Variants in ARID1B observed in about 807,000 individuals in gnomAD.
ARID1B encodes AT-rich interactive domain-containing protein 1B.
Under a neutral mutation model 212.3 loss-of-function variants are expected in ARID1B, and 30 were observed. That is an observed-to-expected ratio of 0.14 (90% confidence interval 0.11 to 0.19). The LOEUF is 0.19. Ranked by LOEUF, ARID1B falls within the 10% of genes least tolerant of loss-of-function variation. The pLI is 1.00. For synonymous variants in ARID1B, 1,402 were observed against 1,301.7 expected (o/e 1.08, Z -1.66); for missense variants, 2,891 against 3,204.0 (o/e 0.90, Z 2.36).
intron 5 of ARID1B, among the ~76,000 whole-genome samples, chr6:157,091,851 A>G (rs548264099): frequency 6.6e-6 from 1 of 152,362 alleles, no homozygotes; most frequent in South Asian, 2.1e-4. Flanking sequence ...CATTAGCAGT[A>G]GACCCTCTAA....
At chr6:157,091,464 C>G (rs1486503869) in intron 5 of ARID1B, among the ~76,000 whole-genome samples, 1 of 152,136 alleles carries the variant, frequency 6.6e-6, no homozygotes, top group Non-Finnish European at 1.5e-5. Flanking sequence ...GGTCAAAAAA[C>G]TAATTTTCTT....
At chr6:156,795,547 A>G (rs947548638) in intron 1 of ARID1B, among the ~76,000 whole-genome samples, 7 of 152,238 alleles carry the variant, frequency 4.6e-5, no homozygotes, top group Non-Finnish European at 7.3e-5. Context: ...GATGTAAGGC[A>G]GAAAACTCCT....
At chr6:156,998,027 G>A (rs558138464) in intron 4 of ARID1B, among the ~76,000 whole-genome samples, 1 of 152,242 alleles carries the variant, frequency 6.6e-6, no homozygotes, top group South Asian at 2.1e-4. Context: ...CGCTTAAGAG[G>A]AACCTCGTCA....
rs369116277 is a variant in ARID1B, at chr6:157,063,001, A to G, written c.2248-21661A>G. Among the ~76,000 whole-genome samples, 12 of 152,200 alleles carry G rather than the reference A, an allele frequency of 7.9e-5. No homozygotes were observed. The South Asian group carries it at 8.3e-4, about 11-fold the overall frequency. On this transcript the variant is annotated intron_variant, in intron 4 of 19. Transcript: ENST00000636930. ...ATTACAGCCGTGAGCCACCGTGCCC[A>G]GCCTAAAATATATTTTAAAGAAATA... is the stretch of plus-strand genomic sequence containing the variant.
intron 2 of ARID1B, among the ~76,000 whole-genome samples, chr6:156,832,026 T>A (rs1184418488): frequency 6.6e-6 from 1 of 152,212 alleles, no homozygotes; most frequent in East Asian, 1.9e-4. Context: ...TGTTTTAAAA[T>A]TTAAAAGGCT....
chr6:157,012,161 G>C (rs1779652455), intron 4 of ARID1B, among the ~76,000 whole-genome samples: 1 of 152,218 alleles, frequency 6.6e-6, no homozygotes, highest in South Asian at 2.1e-4. Context: ...AGAACTGCAG[G>C]ATGTAATTAA....
intron 4 of ARID1B, among the ~76,000 whole-genome samples, chr6:157,065,273 G>A (rs1403011939): frequency 1.3e-5 from 2 of 152,198 alleles, no homozygotes. Context: ...ACTGAAGATA[G>A]TAAGGTAAAA....
chr6:156,829,154 T>G, intron 1 of ARID1B, 73 bp from the exon 2 acceptor site: 1 of 1,277,468 alleles, frequency 7.8e-7, no homozygotes, highest in Non-Finnish European at 1.1e-6. Context: ...AATGCATATG[T>G]TGACATAACA....
chr6:156,964,391 G>C (rs1006382362), intron 4 of ARID1B, among the ~76,000 whole-genome samples: 1 of 152,226 alleles, frequency 6.6e-6, no homozygotes, highest in African/African-American at 2.4e-5. Context: ...AGCTAATAGA[G>C]TGTTTTGGCA....
At chr6:156,928,147 T>C (rs534196280) in intron 3 of ARID1B, among the ~76,000 whole-genome samples, 3 of 152,250 alleles carry the variant, frequency 2.0e-5, no homozygotes, top group African/African-American at 7.2e-5. Flanking sequence ...GCCGGCCCTG[T>C]AGAAGCTGAC....
intron 4 of ARID1B, among the ~76,000 whole-genome samples, chr6:157,056,484 T>TA (rs1220213269): frequency 6.6e-6 from 1 of 152,256 alleles, no homozygotes. Context: ...AGTAATTTCT[T>TA]ACTACAGGCT....
chr6:156,927,727 T>G (rs1030135393), intron 3 of ARID1B, among the ~76,000 whole-genome samples: 1 of 152,262 alleles, frequency 6.6e-6, no homozygotes, highest in Non-Finnish European at 1.5e-5. Flanking sequence ...TTTTATGTGT[T>G]TGTCCTTATA....
At chr6:156,935,421 C>A (rs2128274117) in intron 3 of ARID1B, 45 bp from the exon 4 acceptor site, 2 of 1,484,074 alleles carry the variant, frequency 1.3e-6, no homozygotes, top group African/African-American at 1.4e-5. Context: ...GCTTATAACT[C>A]ATTGAGATAT....
intron 4 of ARID1B, chr6:157,072,366 A>G (rs1784050240): frequency 6.6e-6 from 1 of 152,192 alleles, no homozygotes. Context: ...AATCCTCCCA[A>G]ATCTGATCAC....
chr6:157,133,152 G>A lies in ARID1B; in HGVS notation c.2706G>A (p.Gln902=), dbSNP rs917621868. 23 of 1,614,148 alleles carry A rather than the reference G, an allele frequency of 1.4e-5. No homozygotes were observed. The highest frequency in any genetic ancestry group is 1.9e-5 in the Non-Finnish European group (22 of 1,180,024). Residue 902 remains glutamine, a synonymous_variant, in exon 7 of 20, where the codon CAG becomes CAA. Transcript: ENST00000636930. Reference sequence around the variant, plus strand: ...TGCATGCTGGAATCAGTAGCTTTCAGCAGAGTAACTCAAGTGGGACTTACG... The same window carrying A: ...TGCATGCTGGAATCAGTAGCTTTCAACAGAGTAACTCAAGTGGGACTTACG... The part of the protein sequence containing the change: ...GQMHAGISSF[Q]QSNSSGTYGP...
chr6:157,186,536 G>A lies in ARID1B; in HGVS notation c.3919+2101G>A, dbSNP rs148720121. ...ATTCACTGCCACCCACACAGCAGGTGGCCTCTCCGATTCCAGTCCCATCAT... is the reference window on the plus strand; with the variant it reads ...ATTCACTGCCACCCACACAGCAGGTAGCCTCTCCGATTCCAGTCCCATCAT... On this transcript the variant is annotated intron_variant, in intron 13 of 19. Coordinates refer to ENST00000636930, the MANE Select transcript of ARID1B (RefSeq NM_001374828.1). The A allele has an allele frequency of 2.2e-3, 1,037 of 471,104 alleles. 12 individuals are homozygous for A. The Middle Eastern group carries it at 0.043, about 20-fold the overall frequency. The allele number at this position is 471,104 out of a possible 1,614,324, so 29.2% of individuals were successfully genotyped here. A position where few individuals can be genotyped will look rare whatever the true frequency, so the allele number is the denominator to read the frequency against.
At chr6:157,162,953 C>T (rs1237751792) in intron 8 of ARID1B, among the ~76,000 whole-genome samples, 1 of 152,198 alleles carries the variant, frequency 6.6e-6, no homozygotes, top group South Asian at 2.1e-4. Flanking sequence ...ACATGAAGCC[C>T]GCAGGCCCCC....
chr6:156,807,144 C>CG (rs1300417017), intron 1 of ARID1B, among the ~76,000 whole-genome samples: 2 of 145,070 alleles, frequency 1.4e-5, no homozygotes, highest in Non-Finnish European at 1.5e-5. Context: ...GTGCACCCCC[C>CG]CACGCCCCAC....
intron 4 of ARID1B, among the ~76,000 whole-genome samples, chr6:157,006,008 T>C (rs1047614816): frequency 2.6e-5 from 4 of 152,146 alleles, no homozygotes; most frequent in African/African-American, 9.7e-5. Flanking sequence ...CCCTTGCCCT[T>C]CCTTCTATTC....
Sources: gnomAD v4.1 joint callset for allele counts (sites outside exome capture counted in the v4.1 genomes callset) on GRCh38, gnomAD v4.1.1 for gene constraint, MANE v1.5 for transcripts, NCBI Gene and HGNC (gene_info 2026-07-23, HGNC 2026-07-21) for gene names.